Variants in OXNAD1 observed in about 807,000 individuals in gnomAD.
OXNAD1 encodes oxidoreductase NAD-binding domain-containing protein 1.
In OXNAD1, 34 loss-of-function variants were observed where a neutral mutation model predicts 32.9. That is an observed-to-expected ratio of 1.03 (90% CI 0.79 to 1.38). The LOEUF is 1.38. OXNAD1 is among the 40% of genes most tolerant of loss of function. The pLI, the probability that OXNAD1 is intolerant of heterozygous loss-of-function variation, is 0.00. For missense variants in OXNAD1, 407 were observed against 379.4 expected (o/e 1.07, Z -0.60); for synonymous variants, 134 against 135.2 (o/e 0.99, Z 0.06).
chr3:16,329,040 T>C lies in OXNAD1; in HGVS notation c.*31-8072T>C, dbSNP rs2070021978. On this transcript the variant is annotated intron_variant, in intron 9 of 9. Transcript: ENST00000435829. The surrounding 1 kb of genome is among the most constrained non-coding windows in gnomAD (Gnocchi z 4.5). ...AAACTTAATCCCCAATGCAATGACA[T>C]TGAATGGTGAGGCCTGGTGGGAGTG... Among the ~76,000 whole-genome samples the C allele has an allele frequency of 6.6e-6, 1 of 152,180 alleles. No homozygotes were observed. The highest frequency in any genetic ancestry group is 2.4e-5 in the African/African-American group (1 of 41,448).
At chr3:16,337,740 CAAAA>C (rs5846920), downstream of OXNAD1, among the ~76,000 whole-genome samples, 5 of 95,168 alleles carry the variant, frequency 5.3e-5, no homozygotes, top group Admixed American at 1.1e-4. The surrounding 1 kb of genome is among the most constrained non-coding windows in gnomAD (Gnocchi z 5.0). Flanking sequence ...GACTCCATCT[CAAAA>C]AAAAAAAAAA....
At chr3:16,310,435 T>A (rs79774390), downstream of OXNAD1, among the ~76,000 whole-genome samples, 269 of 152,332 alleles carry the variant, frequency 1.8e-3, 1 homozygote, top group African/African-American at 4.1e-3. Flanking sequence ...TTTAAGCCTT[T>A]ATATTATTTA....
At chr3:16,333,725 A>AG (rs553685773) in intron 9 of OXNAD1, among the ~76,000 whole-genome samples, 4 of 152,210 alleles carry the variant, frequency 2.6e-5, no homozygotes, top group African/African-American at 4.8e-5. Context: ...CTCATATTAC[A>AG]GAAAAAAAAG....
Position 16,284,773 on chromosome 3 carries a change from CAG to C in OXNAD1, c.184-1566_184-1565del. 6.6e-6 allele frequency among the ~76,000 whole-genome samples: 1 copy of C among 152,202 alleles called. No homozygotes were observed. The highest frequency in any genetic ancestry group is 1.5e-5 in the Non-Finnish European group (1 of 68,036). On this transcript the variant is annotated intron_variant, in intron 4 of 8. Transcript: ENST00000285083. This position sits in a 1 kb window ranked among gnomAD's most constrained non-coding sequence, Gnocchi z 4.1. ...GCTGAGGAGGGCTAGGTAACTTGCC[CAG>C]AGTCACACAGCTGGTAAGCGGTAGA...
At chr3:16,285,049 G>A (rs1038268289) in intron 4 of OXNAD1, among the ~76,000 whole-genome samples, 1 of 152,200 alleles carries the variant, frequency 6.6e-6, no homozygotes, top group Non-Finnish European at 1.5e-5. Flanking sequence ...TAGAGGGTCA[G>A]TAATGGAAAA....
chr3:16,308,048 G>A (rs113342722), downstream of OXNAD1, among the ~76,000 whole-genome samples: 4,969 of 152,216 alleles, frequency 0.033, 106 homozygotes, highest in Middle Eastern at 0.082. This position sits in a 1 kb window ranked among gnomAD's most constrained non-coding sequence, Gnocchi z 4.4. Context: ...TGCTATGTGC[G>A]GTCACTGAGC....
rs2066864263 is a variant in OXNAD1 at position 16,297,257 on chromosome 3, G to A, written c.432+2260G>A. 6.6e-6 allele frequency among the ~76,000 whole-genome samples: 1 copy of A among 152,194 alleles called. No homozygotes were observed. The highest frequency in any genetic ancestry group is 1.5e-5 in the Non-Finnish European group (1 of 68,020). ...AAGGTATTGAAACATCGTTAACCCT[G>A]AGGGAAATGTAAATTAAAACCATAT... On this transcript the variant is annotated intron_variant, in intron 6 of 8. Transcript: ENST00000285083. The surrounding 1 kb of genome is among the most constrained non-coding windows in gnomAD (Gnocchi z 4.3).
At chr3:16,351,502 C>T (rs1004018449), downstream of OXNAD1, among the ~76,000 whole-genome samples, 24 of 152,174 alleles carry the variant, frequency 1.6e-4, no homozygotes, top group African/African-American at 5.8e-4. This position sits in a 1 kb window ranked among gnomAD's most constrained non-coding sequence, Gnocchi z 5.4. Flanking sequence ...TCCAGAGCCT[C>T]ATGACAAAGT....
chr3:16,292,483 A>ACTGTGC (rs1319979249), intron 5 of OXNAD1, among the ~76,000 whole-genome samples: 1 of 152,174 alleles, frequency 6.6e-6, no homozygotes, highest in African/African-American at 2.4e-5. Context: ...GGCATGAGCC[A>ACTGTGC]CTGTGCCTGG....
chr3:16,286,712 G>T (rs2066097997), intron 5 of OXNAD1, among the ~76,000 whole-genome samples: 1 of 152,226 alleles, frequency 6.6e-6, no homozygotes, highest in African/African-American at 2.4e-5. Flanking sequence ...AACAAAGCTA[G>T]TTCTGGCCCA....
At position 16,321,790 on chromosome 3, in the gene OXNAD1, C is replaced by G. The variant is rs1208615715; in HGVS notation, c.*31-15322C>G. On this transcript the variant is annotated intron_variant, in intron 9 of 9. Coordinates refer to the OXNAD1 transcript ENST00000435829. The surrounding 1 kb of genome is among the most constrained non-coding windows in gnomAD (Gnocchi z 4.8). ...CTGAAAAAACAGTGGGTCCCATCCT[C>G]TCTGAATTTTCCCTGAGGAGAGTCA... 6.6e-6 allele frequency among the ~76,000 whole-genome samples: 1 copy of G among 152,232 alleles called. No individual in the cohort carries two copies. The highest frequency in any genetic ancestry group is 2.4e-5 in the African/African-American group (1 of 41,454).
Position 16,314,704 on chromosome 3 carries a change from CCTT to C in OXNAD1, c.*30+11113_*30+11115del, listed in dbSNP as rs552488865. 3 of 152,270 alleles carry C rather than the reference CCTT, an allele frequency of 2.0e-5. No homozygotes were observed. The highest frequency in any genetic ancestry group is 7.2e-5 in the African/African-American group (3 of 41,532). 9.4% of individuals were successfully genotyped at this position (152,270 alleles called of 1,614,324 possible). ...TCTTGAGGAATTCAAATTATTGTCA[CCTT>C]TTTTTCCCCATAGCAAATACAGCCA... On this transcript the variant is annotated intron_variant, in intron 9 of 9. Transcript: ENST00000435829. This position sits in a 1 kb window ranked among gnomAD's most constrained non-coding sequence, Gnocchi z 4.4.
rs548956136 is a variant in OXNAD1, at chr3:16,312,716, C to T, written c.*30+9124C>T. Among the ~76,000 whole-genome samples, 86 of 152,236 alleles carry T rather than the reference C, an allele frequency of 5.6e-4. 1 individual carries two copies. Among genetic ancestry groups the T allele is most frequent in the Non-Finnish European group, 1.2e-3 (79 of 68,016 alleles). Reference sequence around the variant, plus strand: ...AACGATTTTGTGGTTTAGAGAGGGCCATGATGAATATGTTTAGAGTACTGA... The same window carrying T: ...AACGATTTTGTGGTTTAGAGAGGGCTATGATGAATATGTTTAGAGTACTGA... On this transcript the variant is annotated intron_variant, in intron 9 of 9. Transcript: ENST00000435829. This position sits in a 1 kb window ranked among gnomAD's most constrained non-coding sequence, Gnocchi z 4.7.
chr3:16,278,272 ATTC>A (rs2065489766), intron 4 of OXNAD1, among the ~76,000 whole-genome samples: 1 of 152,138 alleles, frequency 6.6e-6, no homozygotes, highest in African/African-American at 2.4e-5. Context: ...AATCTTTCTA[ATTC>A]TTTTTCTATT....
chr3:16,290,892 C>G lies in OXNAD1; in HGVS notation c.291-3964C>G, dbSNP rs1215692350. 6.6e-6 allele frequency among the ~76,000 whole-genome samples: 1 copy of G among 152,092 alleles called. No homozygotes were observed. The highest frequency in any genetic ancestry group is 6.5e-5 in the Admixed American group (1 of 15,274). ...TTTAGGCCTGTATGTAGGTAAGCAA[C>G]TGGGGAAGGATGATACTTTTTGCTC... On this transcript the variant is annotated intron_variant, in intron 5 of 8. Transcript: ENST00000285083. This position sits in a 1 kb window ranked among gnomAD's most constrained non-coding sequence, Gnocchi z 4.2.
chr3:16,309,433 T>G (rs1284458046), downstream of OXNAD1, among the ~76,000 whole-genome samples: 1 of 149,004 alleles, frequency 6.7e-6, no homozygotes, highest in Non-Finnish European at 1.5e-5. Context: ...AGTCTCATAC[T>G]TAAGTATTTT....
In OXNAD1 at chr3:16,297,125, C is replaced by A. The variant is rs929455954; in HGVS notation, c.432+2128C>A. On this transcript the variant is annotated intron_variant, in intron 6 of 8. Coordinates refer to ENST00000285083, the MANE Select transcript of OXNAD1 (RefSeq NM_138381.5). This position sits in a 1 kb window ranked among gnomAD's most constrained non-coding sequence, Gnocchi z 4.3. ...TTGAATCTAGAATATATAAAGAAATCTCAAAAGTCAACAAAAAGAAACAAG... is the reference window on the plus strand; with the variant it reads ...TTGAATCTAGAATATATAAAGAAATATCAAAAGTCAACAAAAAGAAACAAG... Among the ~76,000 whole-genome samples, 1 of 152,024 alleles carries A rather than the reference C, an allele frequency of 6.6e-6. No individual in the cohort carries two copies. Among genetic ancestry groups the A allele is most frequent in the African/African-American group, 2.4e-5 (1 of 41,396 alleles).
downstream of OXNAD1, among the ~76,000 whole-genome samples, chr3:16,306,650 T>C (rs1414573066): frequency 1.3e-5 from 2 of 152,266 alleles, no homozygotes; most frequent in Admixed American, 6.5e-5. Context: ...TTATTTGTTC[T>C]GTAGGCTTTC....
chr3:16,322,489 C>T lies in OXNAD1; in HGVS notation c.*31-14623C>T, dbSNP rs765964921. On this transcript the variant is annotated intron_variant, in intron 9 of 9. Coordinates refer to the OXNAD1 transcript ENST00000435829. This position sits in a 1 kb window ranked among gnomAD's most constrained non-coding sequence, Gnocchi z 6.2. ...GCCGAGCAGGTCAGGCAGGCCCTGCCGAGAATGTGGCCTCAGCCATCAAAG... is the reference window on the plus strand; with the variant it reads ...GCCGAGCAGGTCAGGCAGGCCCTGCTGAGAATGTGGCCTCAGCCATCAAAG... Among the ~76,000 whole-genome samples the T allele has an allele frequency of 7.2e-5, 11 of 152,146 alleles. No individual in the cohort carries two copies. The highest frequency in any genetic ancestry group is 1.2e-4 in the Non-Finnish European group (8 of 68,032).
Sources: gnomAD v4.1 joint callset for allele counts (sites outside exome capture counted in the v4.1 genomes callset) on GRCh38, gnomAD v4.1.1 for gene constraint, Gnocchi (gnomAD v3.1) non-coding constraint, MANE v1.5 for transcripts, NCBI Gene and HGNC (gene_info 2026-07-23, HGNC 2026-07-21) for gene names.